The following HUNK variants were observed in gnomAD, a reference collection of about 807,000 sequenced individuals.
HUNK encodes the protein hormonally up-regulated neu tumor-associated kinase.
In HUNK, 21 loss-of-function variants were observed where a neutral mutation model predicts 61.0. That is an observed-to-expected ratio of 0.34 (90% CI 0.24 to 0.50). HUNK has a LOEUF of 0.50. HUNK is among the 20% of genes least tolerant of loss of function. The pLI is 0.98. For synonymous variants in HUNK, 371 were observed against 386.1 expected, an observed-to-expected ratio of 0.96 and a Z score of 0.46; for missense variants, 772 against 945.7, an observed-to-expected ratio of 0.82 and a Z score of 2.41.
chr21:31,951,447 A>G (rs1179765445), intron 4 of HUNK, among the ~76,000 whole-genome samples: 1 of 152,170 alleles, frequency 6.6e-6, no homozygotes, highest in Non-Finnish European at 1.5e-5. Context: ...GTGAATCCCT[A>G]CTGGTAAGGA....
chr21:31,890,531 G>A (rs1250111793), intron 1 of HUNK, among the ~76,000 whole-genome samples: 1 of 152,120 alleles, frequency 6.6e-6, no homozygotes, highest in Admixed American at 6.5e-5. Flanking sequence ...CGCCTGGCCG[G>A]TAAATATTCT....
intron 1 of HUNK, among the ~76,000 whole-genome samples, chr21:31,890,659 T>C (rs183503578): frequency 7.2e-5 from 11 of 152,364 alleles, no homozygotes; most frequent in Admixed American, 7.2e-4. Flanking sequence ...CCTGGATACA[T>C]GATACTGCTG....
At chr21:31,877,957 T>C (rs2067895455) in intron 1 of HUNK, among the ~76,000 whole-genome samples, 1 of 152,098 alleles carries the variant, frequency 6.6e-6, no homozygotes, top group African/African-American at 2.4e-5. Context: ...TACAGAAAAT[T>C]GAAGTGAGGT....
At chr21:31,913,848 A>G (rs1436315051) in intron 1 of HUNK, among the ~76,000 whole-genome samples, 1 of 151,830 alleles carries the variant, frequency 6.6e-6, no homozygotes, top group Non-Finnish European at 1.5e-5. Flanking sequence ...CAGCAGGGAG[A>G]GTAGCCTCCG....
rs573263310 is a variant in HUNK, at chr21:31,969,025, C to T, written c.1010+640C>T. ...TCCTGAGGAGCTGGGATTACAGGAACGTGCCACCACACCAGGCTAATTTTG... is the reference window on the plus strand; with the variant it reads ...TCCTGAGGAGCTGGGATTACAGGAATGTGCCACCACACCAGGCTAATTTTG... On this transcript the variant is annotated intron_variant, in intron 6 of 10. Transcript: ENST00000270112. 7.2e-5 allele frequency among the ~76,000 whole-genome samples: 11 copies of T among 151,928 alleles called. No homozygotes were observed. The East Asian group carries it at 1.8e-3, about 24-fold the overall frequency.
At chr21:31,936,835 C>G (rs1254315560) in intron 2 of HUNK, among the ~76,000 whole-genome samples, 3 of 152,088 alleles carry the variant, frequency 2.0e-5, no homozygotes, top group Non-Finnish European at 2.9e-5. Context: ...AATTACCCAA[C>G]TTAGTTTTAT....
intron 6 of HUNK, among the ~76,000 whole-genome samples, chr21:31,970,553 T>C (rs2053002563): frequency 6.6e-6 from 1 of 152,144 alleles, no homozygotes. Context: ...ATACTCATGA[T>C]GGAGAGCAGC....
intron 1 of HUNK, among the ~76,000 whole-genome samples, chr21:31,904,653 A>G (rs978966300): frequency 6.6e-6 from 1 of 151,932 alleles, no homozygotes; most frequent in African/African-American, 2.4e-5. Context: ...CGTGTTTTAG[A>G]TCTATTTCTT....
intron 1 of HUNK, among the ~76,000 whole-genome samples, chr21:31,891,729 A>G (rs1298858314): frequency 1.3e-5 from 2 of 152,066 alleles, no homozygotes; most frequent in Non-Finnish European, 1.5e-5. Context: ...TGGTGCTTTT[A>G]TTTTAGGAAG....
In HUNK at chr21:31,998,892, C is replaced by T. The variant is rs1390231824; in HGVS notation, c.1853C>T (p.Thr618Ile). The T allele has an allele frequency of 1.9e-6, 3 of 1,614,132 alleles. No homozygotes were observed. The highest frequency in any genetic ancestry group is 2.5e-6 in the Non-Finnish European group (3 of 1,180,062). Residue 618 changes from threonine to isoleucine, a missense_variant, in exon 11 of 11, where the codon ACT (threonine) becomes ATT (isoleucine). This residue lies in a region of HUNK where 413 missense variants were observed against 444.4 expected (regional missense o/e 0.93). Coordinates refer to ENST00000270112, the MANE Select transcript of HUNK (RefSeq NM_014586.2). ...CCTCTCCATACTCCTTTGCATCCAA[C>T]TCTGGTCTCTTTTGCTCACGAAGAT... ...MSPLHTPLHP[T>I]LVSFAHEDKN...
chr21:31,896,984 C>T lies in HUNK; in HGVS notation c.261+23049C>T, dbSNP rs543562739. On this transcript the variant is annotated intron_variant, in intron 1 of 10. Coordinates refer to ENST00000270112, the MANE Select transcript of HUNK (RefSeq NM_014586.2). Reference sequence around the variant, plus strand: ...TTAGGGCCAGGCGCGGTGGCTCACACCTGTAATCCCAGCACTTTGGGAGGC... The same window carrying T: ...TTAGGGCCAGGCGCGGTGGCTCACATCTGTAATCCCAGCACTTTGGGAGGC... Among the ~76,000 whole-genome samples, 293 of 152,280 alleles carry T rather than the reference C, an allele frequency of 1.9e-3. 1 individual carries two copies. The highest frequency in any genetic ancestry group is 5.2e-3 in the Admixed American group (80 of 15,292).
chr21:31,901,507 A>G (rs1200690302), intron 1 of HUNK, among the ~76,000 whole-genome samples: 1 of 151,954 alleles, frequency 6.6e-6, no homozygotes, highest in Non-Finnish European at 1.5e-5. Flanking sequence ...AGCCTGTGTC[A>G]CCTCTGCTTG....
At chr21:31,960,779 G>A (rs570747766) in intron 5 of HUNK, among the ~76,000 whole-genome samples, 85 of 152,216 alleles carry the variant, frequency 5.6e-4, no homozygotes, top group East Asian at 1.5e-3. Flanking sequence ...ACCTGGCCCC[G>A]CCCTTGACAT....
chr21:31,887,143 C>T (rs145715572), intron 1 of HUNK, among the ~76,000 whole-genome samples: 5 of 152,220 alleles, frequency 3.3e-5, no homozygotes, highest in African/African-American at 4.8e-5. Flanking sequence ...AAAATCCTGG[C>T]CCCTGAACAG....
At chr21:31,967,569 A>T (rs1167027649) in intron 5 of HUNK, among the ~76,000 whole-genome samples, 2 of 151,980 alleles carry the variant, frequency 1.3e-5, no homozygotes, top group Non-Finnish European at 1.5e-5. Flanking sequence ...GGCATTTAAA[A>T]CATTATTTTT....
At chr21:31,907,912 C>T (rs1164016117) in intron 1 of HUNK, among the ~76,000 whole-genome samples, 3 of 152,006 alleles carry the variant, frequency 2.0e-5, no homozygotes, top group East Asian at 1.9e-4. Context: ...ATCACTTGAA[C>T]CCGGGAGACG....
intron 7 of HUNK, among the ~76,000 whole-genome samples, chr21:31,976,469 T>TTA (rs1263620007): frequency 7.4e-6 from 1 of 134,380 alleles, no homozygotes; most frequent in Non-Finnish European, 1.6e-5. Flanking sequence ...CTTTTTTTTT[T>TTA]TTTTTTTTTT....
At position 31,880,092 on chromosome 21, in the gene HUNK, G is replaced by A. The variant is rs571572290; in HGVS notation, c.261+6157G>A. Among the ~76,000 whole-genome samples, 253 of 152,322 alleles carry A rather than the reference G, an allele frequency of 1.7e-3. 2 individuals are homozygous for A. Among genetic ancestry groups the A allele is most frequent in the African/African-American group, 5.6e-3 (231 of 41,566 alleles). Reference sequence around the variant, plus strand: ...GGGATGCCTCTGTGAATTCGAGACAGCTGTTCCCTCTCCTCCATCACCAGC... The same window carrying A: ...GGGATGCCTCTGTGAATTCGAGACAACTGTTCCCTCTCCTCCATCACCAGC... On this transcript the variant is annotated intron_variant, in intron 1 of 10. Coordinates refer to ENST00000270112, the MANE Select transcript of HUNK (RefSeq NM_014586.2).
chr21:31,948,539 G>A (rs1224821133), intron 4 of HUNK, among the ~76,000 whole-genome samples: 1 of 152,136 alleles, frequency 6.6e-6, no homozygotes, highest in Non-Finnish European at 1.5e-5. Flanking sequence ...TGAGGGGGCA[G>A]GGACCACTTG....
Sources: allele counts gnomAD v4.1 joint callset (sites outside exome capture counted in the v4.1 genomes callset), GRCh38; gene constraint gnomAD v4.1.1; regional missense constraint gnomAD v4.1.1; transcripts MANE v1.5; gene names NCBI Gene and HGNC (gene_info 2026-07-23, HGNC 2026-07-21).